ATP1A4: variants seen among roughly 807,000 people sequenced by gnomAD.
The protein encoded by ATP1A4 is ATPase Na+/K+ transporting subunit alpha 4.
A neutral mutation model predicts 114.3 loss-of-function variants in ATP1A4; 90 were observed. The observed-to-expected ratio is 0.79, with a 90% CI of 0.66 to 0.94. ATP1A4 has a LOEUF of 0.94. Ranked by LOEUF, ATP1A4 falls within the 40% of genes least tolerant of loss-of-function variation. The pLI, the probability that ATP1A4 is intolerant of heterozygous loss-of-function variation, is 0.00. For missense variants in ATP1A4, 1,222 were observed against 1,313.6 expected (o/e 0.93, Z 1.08); for synonymous variants, 511 against 494.1 (o/e 1.03, Z -0.45).
chr1:160,177,531 C>A lies in ATP1A4; in HGVS notation c.2603C>A (p.Ala868Asp). 1 of 1,614,112 alleles carries A rather than the reference C, an allele frequency of 6.2e-7. No individual in the cohort carries two copies. The highest frequency in any genetic ancestry group is 8.5e-7 in the Non-Finnish European group (1 of 1,180,018). The change falls in exon 18 of 22, where the codon GCT (alanine) becomes GAT (aspartate). Residue 868 changes from alanine to aspartate, a missense_variant. Coordinates refer to ENST00000368081, the MANE Select transcript of ATP1A4 (RefSeq NM_144699.4). ...CTGTCATTCACAGGGATGATCCAGGCTCTGGCTGGATTCTTTACCTACTTT... is the reference window on the plus strand; with the variant it reads ...CTGTCATTCACAGGGATGATCCAGGATCTGGCTGGATTCTTTACCTACTTT... Reference protein sequence around the residue: ...MAYGQIGMIQALAGFFTYFVI... With the variant: ...MAYGQIGMIQDLAGFFTYFVI...
At chr1:160,154,737 G>T (rs1652574747) in intron 2 of ATP1A4, among the ~76,000 whole-genome samples, 1 of 152,108 alleles carries the variant, frequency 6.6e-6, no homozygotes, top group South Asian at 2.1e-4. Context: ...GCACCTTAAG[G>T]GTAGGGACCA....
intron 2 of ATP1A4, among the ~76,000 whole-genome samples, chr1:160,154,309 G>T (rs1018000680): frequency 5.3e-5 from 8 of 151,900 alleles, no homozygotes; most frequent in African/African-American, 1.5e-4. Flanking sequence ...GGAGATGGAG[G>T]TTGCAGTAAG....
At chr1:160,174,911 T>C (rs1456991185) in intron 15 of ATP1A4, among the ~76,000 whole-genome samples, 164 bp downstream of exon 15, 2 of 152,182 alleles carry the variant, frequency 1.3e-5, no homozygotes, top group Non-Finnish European at 2.9e-5. Flanking sequence ...GATCAGCTGG[T>C]ACATAGACCA....
At position 160,173,624 on chromosome 1, in the gene ATP1A4, T is replaced by C. The variant is rs764603327; in HGVS notation, c.1898T>C (p.Ile633Thr). The C allele has an allele frequency of 6.2e-7, 1 of 1,614,172 alleles. No individual in the cohort carries two copies. Among genetic ancestry groups the C allele is most frequent in the Non-Finnish European group, 8.5e-7 (1 of 1,180,020 alleles). Residue 633 changes from isoleucine to threonine, a missense_variant, in exon 13 of 22, where the codon ATT becomes ACT. Ile to Thr is a moderately conservative substitution (Grantham distance 89, BLOSUM62 -1). Coordinates refer to ENST00000368081, the MANE Select transcript of ATP1A4 (RefSeq NM_144699.4). ...TGDHPITAKA[I>T]AKGVGIISEG... ...GATCATCCCATTACAGCTAAGGCCATTGCCAAGGGTGTGGGCATCATCTCA... is the reference window on the plus strand; with the variant it reads ...GATCATCCCATTACAGCTAAGGCCACTGCCAAGGGTGTGGGCATCATCTCA...
At position 160,166,635 on chromosome 1, in the gene ATP1A4, G is replaced by A. The variant is rs1453822542; in HGVS notation, c.1155G>A (p.Lys385=). The A allele has an allele frequency of 6.2e-7, 1 of 1,614,230 alleles. No homozygotes were observed. The highest frequency in any genetic ancestry group is 8.5e-7 in the Non-Finnish European group (1 of 1,180,046). Residue 385 remains lysine (K), a synonymous_variant, in exon 8 of 22, where the codon AAG becomes AAA. Coordinates refer to ENST00000368081, the MANE Select transcript of ATP1A4 (RefSeq NM_144699.4). ...CCACGTCCACCATCTGCTCAGACAA[G>A]ACGGGCACCCTCACCCAGAACCGCA... ...LGSTSTICSD[K]TGTLTQNRMT...
At chr1:160,181,862 C>A (rs1319259264) in intron 19 of ATP1A4, 48 bp downstream of exon 19, 4 of 1,613,666 alleles carry the variant, frequency 2.5e-6, no homozygotes, top group Non-Finnish European at 3.4e-6. Flanking sequence ...CCCCACACAC[C>A]AGGACATGCC....
In ATP1A4 at chr1:160,153,116, A is replaced by G. The variant is rs779502174; in HGVS notation, c.148-49A>G. On this transcript the variant is annotated intron_variant, in intron 1 of 21. Coordinates refer to ENST00000368081, the MANE Select transcript of ATP1A4 (RefSeq NM_144699.4). ...GTCTGTTTCTCCCCCTCTCCCTGGA[A>G]ATGACCTGGGCCACCCCCTGTCCCT... is the stretch of plus-strand genomic sequence containing the variant. 3 of 1,501,886 alleles carry G rather than the reference A, an allele frequency of 2.0e-6. No homozygotes were observed. The South Asian group carries it at 3.4e-5, about 17-fold the overall frequency. 93.0% of individuals were successfully genotyped at this position (1,501,886 alleles called of 1,614,324 possible).
intron 18 of ATP1A4, among the ~76,000 whole-genome samples, chr1:160,178,131 C>T (rs139394184): frequency 0.022 from 3,315 of 152,004 alleles, 46 homozygotes; most frequent in Non-Finnish European, 0.036. Flanking sequence ...CCGAAGTGGG[C>T]GGATCACTTG....
chr1:160,174,215 C>T lies in ATP1A4; in HGVS notation c.2096C>T (p.Thr699Ile), dbSNP rs761672663. The change falls in exon 14 of 22, where the codon ACC (threonine) becomes ATC (isoleucine). Residue 699 changes from threonine (T) to isoleucine (I), a missense_variant. Transcript: ENST00000368081. ...QNHPEIVFAR[T>I]SPQQKLIIVE... ...CACCCTGAGATCGTGTTTGCTCGGA[C>T]CTCCCCTCAGCAGAAGCTCATCATT... The T allele has an allele frequency of 4.3e-6, 7 of 1,614,108 alleles. No homozygotes were observed. Among genetic ancestry groups the T allele is most frequent in the Non-Finnish European group, 5.9e-6 (7 of 1,180,028 alleles).
chr1:160,173,394 C>T (rs1056163151), intron 12 of ATP1A4, among the ~76,000 whole-genome samples, 187 bp from the exon 13 acceptor site: 3 of 152,218 alleles, frequency 2.0e-5, no homozygotes, highest in African/African-American at 7.2e-5. Context: ...GTCTCATGGT[C>T]TTGACCCACT....
intron 17 of ATP1A4, among the ~76,000 whole-genome samples, chr1:160,176,843 C>T (rs776688619): frequency 6.6e-6 from 1 of 152,206 alleles, no homozygotes; most frequent in Non-Finnish European, 1.5e-5. Context: ...ATAGACAGAA[C>T]ATACTACAGG....
At chr1:160,170,275 A>T (rs1375142567) in intron 10 of ATP1A4, 1 of 152,110 alleles carries the variant, frequency 6.6e-6, no homozygotes, top group Non-Finnish European at 1.5e-5. Context: ...AAAATTCAAA[A>T]AATCAGCCCG....
At chr1:160,159,704 A>G (rs1652802974) in intron 6 of ATP1A4, among the ~76,000 whole-genome samples, 178 bp downstream of exon 6, 1 of 152,244 alleles carries the variant, frequency 6.6e-6, no homozygotes, top group Non-Finnish European at 1.5e-5. Flanking sequence ...ACATTCGCAC[A>G]GTGATGACAG....
At position 160,176,223 on chromosome 1, in the gene ATP1A4, T is replaced by C; in HGVS notation, c.2443T>C (p.Cys815Arg). ...PLPLGTITILCIDLGTDMVPA... is the reference protein window; with the variant it reads ...PLPLGTITILRIDLGTDMVPA... ...GCCTCTGGGAACCATAACCATCCTC[T>C]GCATTGATCTCGGCACTGACATGGT... Residue 815 changes from cysteine (C) to arginine (R), a missense_variant, in exon 16 of 22, where the codon TGC becomes CGC. Transcript: ENST00000368081. 1.9e-6 allele frequency: 3 copies of C among 1,614,130 alleles called. No individual in the cohort carries two copies.
chr1:160,151,958 C>A lies in ATP1A4; in HGVS notation c.-83C>A, dbSNP rs965909930. On this transcript the variant is annotated 5_prime_UTR_variant, in exon 1 of 22. Transcript: ENST00000368081. The stretch of plus-strand genomic sequence containing the variant: ...TCTCTTCTCGTGGCCCCCTTGCCCG[C>A]GCGCCCTCTTCCCTTCCCCTTGCCT... 2.0e-6 allele frequency: 3 copies of A among 1,506,468 alleles called. No individual in the cohort carries two copies. Among genetic ancestry groups the A allele is most frequent in the Non-Finnish European group, 2.7e-6 (3 of 1,123,744 alleles). 93.3% of individuals were successfully genotyped at this position (1,506,468 alleles called of 1,614,324 possible). A position where few individuals can be genotyped will look rare whatever the true frequency, so the allele number is the denominator to read the frequency against.
At chr1:160,160,681 G>A (rs1465830985) in intron 6 of ATP1A4, among the ~76,000 whole-genome samples, 1 of 152,100 alleles carries the variant, frequency 6.6e-6, no homozygotes, top group Non-Finnish European at 1.5e-5. Context: ...CAATAGAAAG[G>A]AGGCGGGTCA....
intron 7 of ATP1A4, among the ~76,000 whole-genome samples, chr1:160,165,122 T>C (rs1652983377): frequency 1.3e-5 from 2 of 152,240 alleles, no homozygotes; most frequent in South Asian, 2.1e-4. Context: ...TCCTATGACA[T>C]GGTCTGTAGG....
At chr1:160,170,946 GCT>G in intron 10 of ATP1A4, 1 of 263,856 alleles carries the variant, frequency 3.8e-6, no homozygotes, top group Non-Finnish European at 7.1e-6. Flanking sequence ...CACTATTTCT[GCT>G]CTCTCGCCAT....
chr1:160,153,209 C>T lies in ATP1A4; in HGVS notation c.192C>T (p.Ser64=), dbSNP rs528512500. 2.8e-5 allele frequency: 45 copies of T among 1,613,694 alleles called. No individual in the cohort carries two copies. The highest frequency in any genetic ancestry group is 3.2e-5 in the Non-Finnish European group (38 of 1,179,840). The part of the protein sequence containing the change: ...LTLEELSTKY[S]VDLTKGHSHQ... ...TGGAAGAGCTGAGCACCAAGTACTCCGTGGACCTGACAAAGGTGAGTAAGA... is the reference window on the plus strand; with the variant it reads ...TGGAAGAGCTGAGCACCAAGTACTCTGTGGACCTGACAAAGGTGAGTAAGA... Residue 64 remains serine (S), a synonymous_variant, in exon 2 of 22, where the codon TCC becomes TCT. Coordinates refer to ENST00000368081, the MANE Select transcript of ATP1A4 (RefSeq NM_144699.4).
Sources: allele counts gnomAD v4.1 joint callset (sites outside exome capture counted in the v4.1 genomes callset), GRCh38; gene constraint gnomAD v4.1.1; transcripts MANE v1.5; gene names NCBI Gene and HGNC (gene_info 2026-07-23, HGNC 2026-07-21).